Variants in CRIM1 observed in about 807,000 individuals in gnomAD.
The protein encoded by CRIM1 is cysteine rich transmembrane BMP regulator 1.
CRIM1 carries 32 observed loss-of-function variants against 116.4 expected under a neutral mutation model. The ratio of observed to expected loss-of-function variants is 0.27; its 90% CI spans 0.21 to 0.37. CRIM1 has a LOEUF of 0.37. Ranked by LOEUF, CRIM1 falls within the 10% of genes least tolerant of loss-of-function variation. The pLI is 1.00. For missense variants in CRIM1, 1,331 were observed against 1,354.8 expected (o/e 0.98, Z 0.28); for synonymous variants, 590 against 509.2 (o/e 1.16, Z -2.13).
intron 2 of CRIM1, 76 bp from the exon 3 acceptor site, chr2:36,441,182 C>T (rs1675788504): frequency 3.8e-6 from 6 of 1,582,768 alleles, no homozygotes; most frequent in Non-Finnish European, 5.2e-6. Flanking sequence ...AATAGATCAT[C>T]AGGACTGTTT....
chr2:36,534,808 T>C (rs1666420570), intron 13 of CRIM1, among the ~76,000 whole-genome samples: 1 of 152,052 alleles, frequency 6.6e-6, no homozygotes, highest in Non-Finnish European at 1.5e-5. Context: ...AGAAGAGTTA[T>C]GGACAAGATG....
intron 2 of CRIM1, among the ~76,000 whole-genome samples, chr2:36,437,327 A>T (rs1675395958): frequency 6.6e-6 from 1 of 152,030 alleles, no homozygotes; most frequent in South Asian, 2.1e-4. Flanking sequence ...GTGAACCAAG[A>T]TTGCACCACT....
At chr2:36,379,903 T>TAA (rs34543532) in intron 1 of CRIM1, among the ~76,000 whole-genome samples, 18 of 139,746 alleles carry the variant, frequency 1.3e-4, no homozygotes, top group South Asian at 9.2e-4. Context: ...ATGGTTTGGT[T>TAA]AAAAAAAAAA....
intron 6 of CRIM1, among the ~76,000 whole-genome samples, 196 bp from the exon 7 acceptor site, chr2:36,479,301 G>C (rs1679222371): frequency 6.6e-6 from 1 of 152,196 alleles, no homozygotes; most frequent in Non-Finnish European, 1.5e-5. Context: ...GTCAGGATGA[G>C]TAGACATAAA....
At position 36,357,072 on chromosome 2, in the gene CRIM1, C is replaced by G. The variant is rs1312881702; in HGVS notation, c.331+449C>G. ...GAGCCGCACGCCGGCCGCGAAAGTCCTTTTTCTGTTGGCGGAGGAGACGTG... is the reference window on the plus strand; with the variant it reads ...GAGCCGCACGCCGGCCGCGAAAGTCGTTTTTCTGTTGGCGGAGGAGACGTG... On this transcript the variant is annotated intron_variant, in intron 1 of 16. Coordinates refer to ENST00000280527, the MANE Select transcript of CRIM1 (RefSeq NM_016441.3). Among the ~76,000 whole-genome samples, 20 of 152,210 alleles carry G rather than the reference C, an allele frequency of 1.3e-4. 1 individual carries two copies. Among genetic ancestry groups the G allele is most frequent in the Admixed American group, 1.3e-3 (20 of 15,286 alleles).
intron 13 of CRIM1, chr2:36,532,061 G>T: frequency 2.1e-6 from 1 of 465,896 alleles, no homozygotes; most frequent in South Asian, 1.6e-5. Context: ...GAATCTGACG[G>T]ATAAGATAGG....
intron 1 of CRIM1, among the ~76,000 whole-genome samples, chr2:36,396,155 G>T (rs536122849): frequency 6.6e-6 from 1 of 152,052 alleles, no homozygotes; most frequent in Non-Finnish European, 1.5e-5. Context: ...AGTAATCCCC[G>T]TGCCTTGGTC....
At chr2:36,451,324 C>T (rs1028959722) in intron 4 of CRIM1, among the ~76,000 whole-genome samples, 4 of 152,080 alleles carry the variant, frequency 2.6e-5, no homozygotes, top group Admixed American at 6.5e-5. Context: ...GTCATCTGCC[C>T]TCAAGGAAAG....
chr2:36,455,531 T>A (rs779417795), intron 4 of CRIM1, among the ~76,000 whole-genome samples: 3 of 152,182 alleles, frequency 2.0e-5, no homozygotes, highest in Non-Finnish European at 4.4e-5. Flanking sequence ...GTTGCCAAAG[T>A]GCATTCCCCA....
chr2:36,471,867 A>G (rs1384056097), intron 5 of CRIM1, among the ~76,000 whole-genome samples: 1 of 152,164 alleles, frequency 6.6e-6, no homozygotes, highest in East Asian at 1.9e-4. Flanking sequence ...GTGTAAACAT[A>G]ACTTTTAAAT....
chr2:36,543,939 A>T (rs1266608578), intron 14 of CRIM1, among the ~76,000 whole-genome samples: 1 of 152,178 alleles, frequency 6.6e-6, no homozygotes, highest in Non-Finnish European at 1.5e-5. Context: ...AGTCCATAAG[A>T]AGTGGACAGT....
rs116458462 is a variant in CRIM1 at position 36,357,633 on chromosome 2, G to A, written c.331+1010G>A. Among the ~76,000 whole-genome samples, 620 of 152,270 alleles carry A rather than the reference G, an allele frequency of 4.1e-3. 7 individuals carry two copies. Among genetic ancestry groups the A allele is most frequent in the African/African-American group, 0.014 (599 of 41,542 alleles). ...ATTTTGATGTGGCTAACGGGGGCAC[G>A]GTTCGGTAAGCATCAGTTAAAAGTG... On this transcript the variant is annotated intron_variant, in intron 1 of 16. Coordinates refer to ENST00000280527, the MANE Select transcript of CRIM1 (RefSeq NM_016441.3).
At chr2:36,386,316 C>T (rs1671165377) in intron 1 of CRIM1, among the ~76,000 whole-genome samples, 1 of 152,174 alleles carries the variant, frequency 6.6e-6, no homozygotes, top group Non-Finnish European at 1.5e-5. Flanking sequence ...ATTTATTTAT[C>T]TAACATGGTT....
intron 16 of CRIM1, among the ~76,000 whole-genome samples, chr2:36,548,048 A>G (rs1385686213): frequency 6.6e-6 from 1 of 152,170 alleles, no homozygotes; most frequent in African/African-American, 2.4e-5. Context: ...CTGGGTCAGG[A>G]TACAGTTGCC....
At chr2:36,463,436 A>C (rs1405142612) in intron 4 of CRIM1, among the ~76,000 whole-genome samples, 3 of 152,172 alleles carry the variant, frequency 2.0e-5, no homozygotes, top group Non-Finnish European at 2.9e-5. Flanking sequence ...CTTGACCTCT[A>C]CCGTATGTAA....
intron 12 of CRIM1, among the ~76,000 whole-genome samples, chr2:36,520,592 T>C (rs1665319983): frequency 6.6e-6 from 1 of 152,192 alleles, no homozygotes; most frequent in Non-Finnish European, 1.5e-5. Flanking sequence ...GTGGAACCAA[T>C]GGCTGTTCTT....
intron 1 of CRIM1, among the ~76,000 whole-genome samples, chr2:36,357,503 C>T (rs1482215725): frequency 1.3e-5 from 2 of 152,100 alleles, no homozygotes; most frequent in African/African-American, 2.4e-5. Flanking sequence ...GAGTCTTTCT[C>T]GTTGGGGAGC....
chr2:36,446,745 A>G (rs1269999862), intron 4 of CRIM1, among the ~76,000 whole-genome samples: 4 of 152,204 alleles, frequency 2.6e-5, no homozygotes, highest in East Asian at 1.9e-4. Flanking sequence ...AGTGCATTCT[A>G]CCTTTCAGGA....
At chr2:36,472,210 C>T (rs528518772) in intron 5 of CRIM1, among the ~76,000 whole-genome samples, 32 of 152,330 alleles carry the variant, frequency 2.1e-4, no homozygotes, top group African/African-American at 7.5e-4. Flanking sequence ...TCCACATCCA[C>T]TTAAATCATC....
Sources: gnomAD v4.1 joint callset for allele counts (sites outside exome capture counted in the v4.1 genomes callset) on GRCh38, gnomAD v4.1.1 for gene constraint, MANE v1.5 for transcripts, NCBI Gene and HGNC (gene_info 2026-07-23, HGNC 2026-07-21) for gene names.